The following TBC1D5 variants were observed in gnomAD, a reference collection of about 807,000 sequenced individuals.
The protein encoded by TBC1D5 is TBC1 domain family, member 5.
Under a neutral mutation model 100.3 loss-of-function variants are expected in TBC1D5, and 75 were observed. The observed-to-expected ratio is 0.75, with a 90% confidence interval of 0.62 to 0.91. TBC1D5 has a LOEUF of 0.91. Ranked by LOEUF, TBC1D5 falls within the 40% of genes least tolerant of loss-of-function variation. TBC1D5 has a pLI of 0.00. For synonymous variants in TBC1D5, 323 were observed against 325.6 expected (o/e 0.99, Z 0.09); for missense variants, 910 against 942.4 (o/e 0.97, Z 0.45).
At chr3:17,224,917 A>AT (rs1158848934) in intron 17 of TBC1D5, among the ~76,000 whole-genome samples, 1 of 152,162 alleles carries the variant, frequency 6.6e-6, no homozygotes, top group African/African-American at 2.4e-5. Flanking sequence ...TGGTAGTATT[A>AT]ATAAGGAACC....
intron 16 of TBC1D5, among the ~76,000 whole-genome samples, chr3:17,251,436 CCCAGT>C (rs2077174770): frequency 6.9e-6 from 1 of 143,922 alleles, no homozygotes; most frequent in African/African-American, 2.6e-5. Context: ...CCCCCCCCCC[CCCAGT>C]AGAAGCGATT....
chr3:17,600,810 A>T (rs1440396783), intron 2 of TBC1D5, among the ~76,000 whole-genome samples: 1 of 151,792 alleles, frequency 6.6e-6, no homozygotes, highest in South Asian at 2.1e-4. Flanking sequence ...AGCCCTTAGG[A>T]CATTTGAAAG....
intron 1 of TBC1D5, chr3:17,663,062 T>G (rs1404590927): frequency 6.6e-6 from 1 of 152,166 alleles, no homozygotes; most frequent in Non-Finnish European, 1.5e-5. Context: ...GCAGTTCCAG[T>G]GTGCTTTCCT....
chr3:17,217,305 T>C (rs140529748), intron 17 of TBC1D5, among the ~76,000 whole-genome samples: 11 of 152,302 alleles, frequency 7.2e-5, no homozygotes, highest in Non-Finnish European at 1.5e-4. Context: ...ATACACATTT[T>C]TGGCTATTAT....
intron 2 of TBC1D5, among the ~76,000 whole-genome samples, chr3:17,554,354 G>C (rs182786074): frequency 6.6e-6 from 1 of 152,294 alleles, no homozygotes; most frequent in Non-Finnish European, 1.5e-5. Context: ...TGGGAGACCA[G>C]TCAGAGTTCT....
At chr3:17,452,445 C>T (rs1390834211) in intron 3 of TBC1D5, among the ~76,000 whole-genome samples, 1 of 151,966 alleles carries the variant, frequency 6.6e-6, no homozygotes, top group Non-Finnish European at 1.5e-5. Context: ...ACACACTTTA[C>T]CTATAAGGAT....
rs6764118 is a variant in TBC1D5, at chr3:17,486,588, A to C, written c.97+21886T>G. On this transcript the variant is annotated intron_variant, in intron 3 of 21. Coordinates refer to ENST00000253692, the Ensembl canonical transcript of TBC1D5. ...CCAGGTTCTGCCCATCCACAAAAAC[A>C]ACAAATAAGCTGGCAAAAACTTTAA... Among the ~76,000 whole-genome samples, 1,076 of 152,332 alleles carry C rather than the reference A, an allele frequency of 7.1e-3. 9 individuals are homozygous for C. The highest frequency in any genetic ancestry group is 0.024 in the African/African-American group (1,012 of 41,586).
chr3:17,224,960 C>A (rs1319688747), intron 17 of TBC1D5, among the ~76,000 whole-genome samples: 3 of 152,090 alleles, frequency 2.0e-5, no homozygotes, highest in Non-Finnish European at 4.4e-5. Flanking sequence ...ACATATGTTT[C>A]TCCTCAATTA....
rs530496561 is a variant in TBC1D5 at position 17,248,476 on chromosome 3, A to G, written c.1331+10030T>C. 4.6e-4 allele frequency among the ~76,000 whole-genome samples: 70 copies of G among 152,368 alleles called. No homozygotes were observed. In the South Asian group the frequency reaches 5.4e-3, roughly 12 times the overall value. ...TTTTCAATTTACCTTGTCCAGAACC[A>G]TCAGAGGAATCACTATCTATGGCAG... is the stretch of plus-strand genomic sequence containing the variant. On this transcript the variant is annotated intron_variant, in intron 16 of 21. Coordinates refer to ENST00000253692, the Ensembl canonical transcript of TBC1D5.
chr3:17,161,417 C>T (rs2066039945), intron 21 of TBC1D5, among the ~76,000 whole-genome samples, 161 bp from the exon 23 acceptor site: 1 of 152,222 alleles, frequency 6.6e-6, no homozygotes, highest in Non-Finnish European at 1.5e-5. Flanking sequence ...CCCTGAAGCC[C>T]ACACGTTTAC....
chr3:17,390,331 AT>A (rs1454690047), intron 8 of TBC1D5, among the ~76,000 whole-genome samples: 1 of 152,164 alleles, frequency 6.6e-6, no homozygotes, highest in African/African-American at 2.4e-5. Context: ...CCAGACAAAT[AT>A]CGGGGCTATC....
intron 2 of TBC1D5, among the ~76,000 whole-genome samples, chr3:17,536,099 C>G (rs2096279044): frequency 6.6e-6 from 1 of 152,124 alleles, no homozygotes; most frequent in South Asian, 2.1e-4. Flanking sequence ...ATGCATGCAT[C>G]AAGAAGTTTC....
At chr3:17,225,296 G>A (rs537057593) in intron 17 of TBC1D5, among the ~76,000 whole-genome samples, 2 of 151,770 alleles carry the variant, frequency 1.3e-5, no homozygotes, top group Non-Finnish European at 2.9e-5. Flanking sequence ...AAAATTAGCT[G>A]GGCATGGTGG....
chr3:17,733,801 G>T (rs2076752221), intron 1 of TBC1D5, among the ~76,000 whole-genome samples: 1 of 150,238 alleles, frequency 6.7e-6, no homozygotes, highest in African/African-American at 2.4e-5. Flanking sequence ...CAGATGGTAT[G>T]ATTATGTACC....
At chr3:17,611,602 A>G (rs2061673436) in intron 2 of TBC1D5, among the ~76,000 whole-genome samples, 1 of 152,226 alleles carries the variant, frequency 6.6e-6, no homozygotes, top group Non-Finnish European at 1.5e-5. Context: ...GGGGGGACAA[A>G]AGACCCATTA....
In TBC1D5 at chr3:17,246,256, A is replaced by C. The variant is rs568219123; in HGVS notation, c.1332-7837T>G. Among the ~76,000 whole-genome samples, 315 of 152,338 alleles carry C rather than the reference A, an allele frequency of 2.1e-3. 1 individual carries two copies. The highest frequency in any genetic ancestry group is 2.8e-3 in the Non-Finnish European group (192 of 68,036). On this transcript the variant is annotated intron_variant, in intron 16 of 21. Transcript: ENST00000253692. Reference sequence around the variant, plus strand: ...TTTTTTCTTAATTAAAAAAACTATAAAACACTGCTGAGAAGTTAAAGATGA... The same window carrying C: ...TTTTTTCTTAATTAAAAAAACTATACAACACTGCTGAGAAGTTAAAGATGA...
chr3:17,269,389 G>A (rs1240312629), intron 15 of TBC1D5, among the ~76,000 whole-genome samples: 1 of 152,074 alleles, frequency 6.6e-6, no homozygotes, highest in African/African-American at 2.4e-5. Context: ...GATTTGTAGT[G>A]GTCTGTTCCC....
At chr3:17,319,148 T>C (rs77071051) in intron 13 of TBC1D5, among the ~76,000 whole-genome samples, 3,090 of 152,284 alleles carry the variant, frequency 0.02, 93 homozygotes, top group African/African-American at 0.069. Context: ...TATAATATGT[T>C]CATAAATTAA....
At chr3:17,195,750 CTTTCTTT>C (rs1221485438) in intron 18 of TBC1D5, among the ~76,000 whole-genome samples, 5 of 83,920 alleles carry the variant, frequency 6.0e-5, no homozygotes, top group Non-Finnish European at 1.0e-4. Context: ...CTTGATATTT[CTTTCTTT>C]TTTTTTTTTT....
Sources: gnomAD v4.1 joint callset for allele counts (sites outside exome capture counted in the v4.1 genomes callset) on GRCh38, gnomAD v4.1.1 for gene constraint, MANE v1.5 for transcripts, NCBI Gene and HGNC (gene_info 2026-07-23, HGNC 2026-07-21) for gene names.